Variants in SPATA16 observed in about 807,000 individuals in gnomAD.
SPATA16 encodes the protein spermatogenesis-associated protein 16.
In SPATA16, 36 loss-of-function variants were observed where a neutral mutation model predicts 63.3. The observed-to-expected ratio is 0.57, with a 90% CI of 0.44 to 0.75. The LOEUF is 0.75. Among genes scored for constraint, SPATA16 ranks in the 30% least tolerant of loss-of-function variants. The pLI, the probability that SPATA16 is intolerant of heterozygous loss-of-function variation, is 0.00. For missense variants in SPATA16, 646 were observed against 679.3 expected, an observed-to-expected ratio of 0.95 and a Z score of 0.54; for synonymous variants, 203 against 216.7, an observed-to-expected ratio of 0.94 and a Z score of 0.56.
chr3:173,039,796 A>G (rs187297638), intron 3 of SPATA16, among the ~76,000 whole-genome samples: 28 of 152,256 alleles, frequency 1.8e-4, no homozygotes, highest in Non-Finnish European at 3.2e-4. Context: ...AGTGTCATAG[A>G]GGCAATACAG....
chr3:173,105,954 A>AT (rs34274034), intron 2 of SPATA16, among the ~76,000 whole-genome samples: 58,326 of 151,960 alleles, frequency 0.38, 13,409 homozygotes, highest in African/African-American at 0.65. Flanking sequence ...ATGAACTCTG[A>AT]TTTTTTATTG....
chr3:173,091,741 T>A (rs1737227711), intron 2 of SPATA16, among the ~76,000 whole-genome samples: 1 of 152,128 alleles, frequency 6.6e-6, no homozygotes, highest in Non-Finnish European at 1.5e-5. Flanking sequence ...ATCAAATCTT[T>A]TCATATAAAA....
intron 2 of SPATA16, among the ~76,000 whole-genome samples, chr3:173,102,001 C>G (rs1009945584): frequency 2.4e-4 from 36 of 152,178 alleles, no homozygotes; most frequent in Middle Eastern, 3.2e-3. Context: ...AACCTCAAGT[C>G]TGAGTCAATA....
At chr3:173,135,444 T>C (rs1738518369) in intron 1 of SPATA16, among the ~76,000 whole-genome samples, 1 of 152,172 alleles carries the variant, frequency 6.6e-6, no homozygotes, top group African/African-American at 2.4e-5. Flanking sequence ...GATTTTTTCC[T>C]ATATACCCAG....
intron 4 of SPATA16, among the ~76,000 whole-genome samples, 200 bp from the exon 5 acceptor site, chr3:172,977,252 A>C (rs1261646190): frequency 6.7e-6 from 1 of 149,746 alleles, no homozygotes; most frequent in Non-Finnish European, 1.5e-5. Flanking sequence ...ATAAACCAAA[A>C]CTATAAAAGA....
intron 4 of SPATA16, among the ~76,000 whole-genome samples, chr3:172,997,174 G>A (rs956917499): frequency 2.0e-5 from 3 of 152,094 alleles, no homozygotes. Flanking sequence ...GGATTCTATG[G>A]TAAGAATATG....
chr3:173,003,427 A>T (rs984038588), intron 4 of SPATA16, among the ~76,000 whole-genome samples: 1 of 152,238 alleles, frequency 6.6e-6, no homozygotes, highest in African/African-American at 2.4e-5. Flanking sequence ...TCATCCTTTC[A>T]TGCAGGAATT....
intron 3 of SPATA16, among the ~76,000 whole-genome samples, chr3:173,035,286 A>C (rs941685147): frequency 5.3e-5 from 8 of 152,176 alleles, no homozygotes; most frequent in African/African-American, 1.9e-4. Flanking sequence ...AGGTTTAGGA[A>C]GGGGATTTGC....
chr3:172,953,927 C>A (rs533156062), intron 6 of SPATA16, among the ~76,000 whole-genome samples: 2 of 152,192 alleles, frequency 1.3e-5, no homozygotes, highest in African/African-American at 4.8e-5. Context: ...TGGCTCTGGG[C>A]AGAGCAAAGA....
chr3:173,136,440 A>G (rs551044119), intron 1 of SPATA16, among the ~76,000 whole-genome samples: 1 of 152,164 alleles, frequency 6.6e-6, no homozygotes, highest in South Asian at 2.1e-4. Context: ...GCAATGTGTA[A>G]TAATCACATC....
At chr3:173,123,522 C>T (rs1738141592) in intron 1 of SPATA16, among the ~76,000 whole-genome samples, 1 of 151,604 alleles carries the variant, frequency 6.6e-6, no homozygotes, top group South Asian at 2.1e-4. Context: ...GGCACTCCCT[C>T]TAAAATGATA....
chr3:173,018,324 G>T (rs1036650481), intron 4 of SPATA16, among the ~76,000 whole-genome samples: 1 of 150,898 alleles, frequency 6.6e-6, no homozygotes, highest in African/African-American at 2.4e-5. Context: ...GCCCAGGCTG[G>T]AGTGCAATGG....
intron 3 of SPATA16, among the ~76,000 whole-genome samples, chr3:173,032,510 G>A (rs1384167298): frequency 1.3e-5 from 2 of 151,906 alleles, no homozygotes; most frequent in Non-Finnish European, 2.9e-5. Flanking sequence ...ATACAGTGGG[G>A]GATTCAAATA....
intron 2 of SPATA16, among the ~76,000 whole-genome samples, chr3:173,066,306 T>G (rs535332581): frequency 3.3e-4 from 50 of 152,320 alleles, no homozygotes; most frequent in African/African-American, 1.1e-3. Context: ...TGAATAAACA[T>G]CATCAGCAGC....
chr3:173,107,038 T>G (rs1462750487), intron 2 of SPATA16, among the ~76,000 whole-genome samples: 2 of 152,192 alleles, frequency 1.3e-5, no homozygotes, highest in African/African-American at 2.4e-5. Context: ...ATGCTAAGCC[T>G]TTGTTCTGTA....
At chr3:173,082,354 A>G (rs1577165035) in intron 2 of SPATA16, among the ~76,000 whole-genome samples, 1 of 152,344 alleles carries the variant, frequency 6.6e-6, no homozygotes, top group South Asian at 2.1e-4. Flanking sequence ...AGTTCTGTGC[A>G]GGAACATGAC....
chr3:173,141,058 C>G (rs1365104123), intron 1 of SPATA16, 45 bp downstream of exon 1: 1 of 152,390 alleles, frequency 6.6e-6, no homozygotes, highest in Admixed American at 6.5e-5. Context: ...AGCCACTGAA[C>G]GAGAAAAGCT....
At chr3:173,136,777 C>G (rs1376607876) in intron 1 of SPATA16, among the ~76,000 whole-genome samples, 1 of 152,158 alleles carries the variant, frequency 6.6e-6, no homozygotes, top group Admixed American at 6.5e-5. Context: ...CAGGCTCAGC[C>G]TTACCTCAGT....
chr3:172,930,557 T>A lies in SPATA16; in HGVS notation c.1082-5065A>T, dbSNP rs80318536. 8.1e-5 allele frequency among the ~76,000 whole-genome samples: 11 copies of A among 135,822 alleles called. 2 individuals carry two copies. In the South Asian group the frequency reaches 2.8e-3, roughly 34 times the overall value. 89.1% of individuals were successfully genotyped at this position (135,822 alleles called of 152,430 possible). On this transcript the variant is annotated intron_variant, in intron 6 of 10. Coordinates refer to ENST00000351008, the MANE Select transcript of SPATA16 (RefSeq NM_031955.6). ...TTCCAATCTTCCATTCAAACTCTTTTTTTTTTTTTTTTTTTTTTTGAGATG... is the reference window on the plus strand; with the variant it reads ...TTCCAATCTTCCATTCAAACTCTTTATTTTTTTTTTTTTTTTTTTGAGATG...
Sources: allele counts gnomAD v4.1 joint callset (sites outside exome capture counted in the v4.1 genomes callset), GRCh38; gene constraint gnomAD v4.1.1; transcripts MANE v1.5; gene names NCBI Gene and HGNC (gene_info 2026-07-23, HGNC 2026-07-21).